The following AFF2 variants were observed in gnomAD, a reference collection of about 807,000 sequenced individuals.
AFF2 encodes ALF transcription elongation factor 2.
In AFF2, 14 loss-of-function variants were observed where a neutral mutation model predicts 76.9. That is an observed-to-expected ratio of 0.18 (90% confidence interval 0.12 to 0.28). The LOEUF (loss-of-function observed/expected upper bound fraction) is 0.28. Among genes scored for constraint, AFF2 ranks in the 10% least tolerant of loss-of-function variants. AFF2 has a pLI of 1.00. For synonymous variants in AFF2, 398 were observed against 366.7 expected (o/e 1.09, Z -0.98); for missense variants, 868 against 1,001.1 (o/e 0.87, Z 1.79).
chrX:148,671,882 TGAAA>T (rs1557259124), intron 3 of AFF2, among the ~76,000 whole-genome samples: 1 of 111,130 alleles, frequency 9.0e-6, no homozygotes, highest in African/African-American at 3.3e-5. Flanking sequence ...ACTAAAATAA[TGAAA>T]GATAGAGAAC....
intron 3 of AFF2, among the ~76,000 whole-genome samples, chrX:148,695,607 C>T (rs1557261207): frequency 8.9e-6 from 1 of 111,980 alleles, no homozygotes; most frequent in Non-Finnish European, 1.9e-5. Flanking sequence ...AGCTAATAAA[C>T]ATAAAAAAGA....
At chrX:148,670,291 GA>G (rs1477312922) in intron 3 of AFF2, among the ~76,000 whole-genome samples, 16 of 111,456 alleles carry the variant, frequency 1.4e-4, no homozygotes, top group Non-Finnish European at 2.4e-4. Flanking sequence ...GTCAGTCGGG[GA>G]CACATAGAGG....
intron 3 of AFF2, among the ~76,000 whole-genome samples, chrX:148,733,174 T>C (rs1351679912): frequency 8.9e-6 from 1 of 111,803 alleles, no homozygotes; most frequent in Non-Finnish European, 1.9e-5. Context: ...TAATAAAAAT[T>C]AGTTATTTTG....
chrX:148,616,868 C>A (rs2053811022), intron 1 of AFF2, among the ~76,000 whole-genome samples: 2 of 110,434 alleles, frequency 1.8e-5, no homozygotes, highest in South Asian at 7.8e-4. Flanking sequence ...ATGATGGTTT[C>A]CAGCTTCATC....
chrX:148,806,523 G>A (rs373349896), intron 3 of AFF2, among the ~76,000 whole-genome samples: 21 of 111,587 alleles, frequency 1.9e-4, no homozygotes, highest in East Asian at 1.4e-3. Flanking sequence ...CTGTTTCCCC[G>A]TAAATGTTGT....
intron 3 of AFF2, among the ~76,000 whole-genome samples, chrX:148,742,678 GGTAA>G (rs2055370501): frequency 1.8e-5 from 2 of 111,821 alleles, no homozygotes; most frequent in Non-Finnish European, 3.8e-5. Flanking sequence ...GTGCTTTGCA[GGTAA>G]GGGATTTAAG....
At chrX:148,526,517 C>A (rs1475881972) in intron 1 of AFF2, among the ~76,000 whole-genome samples, 1 of 109,907 alleles carries the variant, frequency 9.1e-6, no homozygotes, top group Non-Finnish European at 1.9e-5. Context: ...ACTTTCTCTG[C>A]TTCAGCCCTG....
At chrX:148,722,394 T>G (rs1420499751) in intron 3 of AFF2, among the ~76,000 whole-genome samples, 3 of 110,789 alleles carry the variant, frequency 2.7e-5, no homozygotes, top group South Asian at 3.9e-4. Flanking sequence ...TTTTTTTGTC[T>G]TATTCCCCCT....
In AFF2 at chrX:148,954,935, C is replaced by T. The variant is rs782446092; in HGVS notation, c.1558-668C>T. ...AACTCAGAGTTAGGAATCAAGGACC[C>T]GAATAGTATGTATCATTGCCATGGT... On this transcript the variant is annotated intron_variant, in intron 10 of 20. Coordinates refer to ENST00000370460, the MANE Select transcript of AFF2 (RefSeq NM_002025.4). Among the ~76,000 whole-genome samples the T allele has an allele frequency of 1.4e-4, 16 of 112,436 alleles. No homozygotes were observed. The East Asian group carries it at 3.3e-3, about 24-fold the overall frequency.
intron 1 of AFF2, among the ~76,000 whole-genome samples, chrX:148,627,583 G>C (rs995309647): frequency 8.9e-6 from 1 of 111,957 alleles, no homozygotes; most frequent in South Asian, 3.7e-4. Flanking sequence ...TGAAAACAGG[G>C]CAGTAGCAAT....
chrX:148,502,716 C>G (rs1417453008), intron 1 of AFF2, among the ~76,000 whole-genome samples: 1 of 112,820 alleles, frequency 8.9e-6, no homozygotes, highest in Non-Finnish European at 1.9e-5. Context: ...TATTTGCATA[C>G]AATTTGCCTA....
chrX:148,640,422 T>A lies in AFF2; in HGVS notation c.48-11577T>A, dbSNP rs1316529502. ...TCCCTCTGGCTTCTGTGTGATTGTGTTCAACAAGCATATTTTCAGTGGCAC... is the reference window on the plus strand; with the variant it reads ...TCCCTCTGGCTTCTGTGTGATTGTGATCAACAAGCATATTTTCAGTGGCAC... On this transcript the variant is annotated intron_variant, in intron 1 of 20. Coordinates refer to ENST00000370460, the MANE Select transcript of AFF2 (RefSeq NM_002025.4). Among the ~76,000 whole-genome samples the A allele has an allele frequency of 2.7e-4, 30 of 110,487 alleles. No homozygotes were observed. The Admixed American group carries it at 2.9e-3, about 11-fold the overall frequency.
intron 1 of AFF2, among the ~76,000 whole-genome samples, chrX:148,580,655 A>G (rs1342515722): frequency 1.8e-5 from 2 of 110,796 alleles, no homozygotes; most frequent in African/African-American, 3.3e-5. Flanking sequence ...GACCAAAACA[A>G]AATTTTAAAG....
chrX:148,531,267 A>G (rs1292139622), intron 1 of AFF2, among the ~76,000 whole-genome samples: 2 of 111,799 alleles, frequency 1.8e-5, no homozygotes, highest in African/African-American at 6.5e-5. Context: ...AGGCAATGAA[A>G]TTTAGTACTG....
At chrX:148,719,997 C>T (rs781827001) in intron 3 of AFF2, among the ~76,000 whole-genome samples, 25 of 110,447 alleles carry the variant, frequency 2.3e-4, no homozygotes, top group Non-Finnish European at 4.2e-4. Flanking sequence ...ACCATTTGCA[C>T]TCCCAGCCTC....
chrX:148,966,940 A>C lies in AFF2; in HGVS notation c.3064A>C (p.Thr1022Pro). 1 of 1,210,609 alleles carries C rather than the reference A, an allele frequency of 8.3e-7. No individual in the cohort carries two copies. The highest frequency in any genetic ancestry group is 1.1e-6 in the Non-Finnish European group (1 of 895,252). Residue 1022 changes from threonine (T) to proline (P), a missense_variant, in exon 14 of 21, where the codon ACC (threonine) becomes CCC (proline). Coordinates refer to ENST00000370460, the MANE Select transcript of AFF2 (RefSeq NM_002025.4). ...ATATTTTTTT[T>P]ISTITSTITT... ...GGCCACCACCACAACTACTACCACT[A>C]CCATTTCCACCATCACCTCTACCAT... is the stretch of plus-strand genomic sequence containing the variant.
intron 3 of AFF2, among the ~76,000 whole-genome samples, chrX:148,730,284 C>T (rs904248803): frequency 8.9e-6 from 1 of 112,028 alleles, no homozygotes; most frequent in African/African-American, 3.3e-5. Flanking sequence ...TTTCCACCAG[C>T]TCCAAAGCCG....
At chrX:148,989,161 A>G (rs530936125) in intron 20 of AFF2, among the ~76,000 whole-genome samples, 4 of 112,696 alleles carry the variant, frequency 3.5e-5, no homozygotes, top group African/African-American at 1.3e-4. Flanking sequence ...CAGGGGTTCT[A>G]GAATTGCAAG....
intron 8 of AFF2, among the ~76,000 whole-genome samples, chrX:148,897,175 A>G (rs1431426921): frequency 5.0e-5 from 4 of 80,397 alleles, no homozygotes; most frequent in Non-Finnish European, 9.5e-5. Flanking sequence ...TCAATATTCA[A>G]TCACACATAT....
Sources: gnomAD v4.1 joint callset for allele counts (sites outside exome capture counted in the v4.1 genomes callset) on GRCh38, gnomAD v4.1.1 for gene constraint, MANE v1.5 for transcripts, NCBI Gene and HGNC (gene_info 2026-07-23, HGNC 2026-07-21) for gene names.